Variants in ORC2 observed in about 807,000 individuals in gnomAD.
The protein encoded by ORC2 is origin recognition complex protein 2 homolog.
A neutral mutation model predicts 77.7 loss-of-function variants in ORC2; 37 were observed. The ratio of observed to expected loss-of-function variants is 0.48; its 90% CI spans 0.37 to 0.63. The LOEUF (loss-of-function observed/expected upper bound fraction) is 0.63. Ranked by LOEUF, ORC2 falls within the 20% of genes least tolerant of loss-of-function variation. The pLI, the probability that ORC2 is intolerant of heterozygous loss-of-function variation, is 0.00. For synonymous variants in ORC2, 201 were observed against 229.5 expected, an observed-to-expected ratio of 0.88 and a Z score of 1.12; for missense variants, 557 against 661.9, an observed-to-expected ratio of 0.84 and a Z score of 1.74.
intron 5 of ORC2, among the ~76,000 whole-genome samples, chr2:200,944,688 G>A (rs2041220068): frequency 6.6e-6 from 1 of 152,122 alleles, no homozygotes; most frequent in African/African-American, 2.4e-5. Context: ...CCACAGGCGT[G>A]CGCCACTATG....
At chr2:200,925,273 G>A (rs1458344548) in intron 13 of ORC2, among the ~76,000 whole-genome samples, 1 of 152,040 alleles carries the variant, frequency 6.6e-6, no homozygotes, top group Non-Finnish European at 1.5e-5. Flanking sequence ...GTTGCAGTGA[G>A]CCAAAATCGT....
chr2:200,920,895 G>T, intron 14 of ORC2, 98 bp downstream of exon 14: 2 of 754,188 alleles, frequency 2.7e-6, no homozygotes, highest in Non-Finnish European at 3.8e-6. Flanking sequence ...AGGGGAAAAA[G>T]CGTACTAAAA....
intron 10 of ORC2, among the ~76,000 whole-genome samples, chr2:200,931,994 C>T (rs1461347581): frequency 6.6e-6 from 1 of 152,280 alleles, no homozygotes; most frequent in Non-Finnish European, 1.5e-5. Flanking sequence ...ACACATGGGT[C>T]TTCACTTTGG....
chr2:200,947,275 C>T (rs1340501159), intron 5 of ORC2, among the ~76,000 whole-genome samples: 2 of 152,136 alleles, frequency 1.3e-5, no homozygotes, highest in Admixed American at 1.3e-4. Context: ...ATTGTATGTA[C>T]CATGTTATGT....
chr2:200,920,165 T>C (rs1212547511), intron 15 of ORC2, 57 bp downstream of exon 15: 1 of 1,336,438 alleles, frequency 7.5e-7, no homozygotes, highest in Non-Finnish European at 1.0e-6. Context: ...TAAAACCTAG[T>C]AGTACATATC....
At chr2:200,913,652 A>T (rs2040589417) in intron 16 of ORC2, 1 of 1,321,216 alleles carries the variant, frequency 7.6e-7, no homozygotes, top group Non-Finnish European at 9.6e-7. Context: ...GATGCCTAGA[A>T]TATGAAAAAT....
At chr2:200,946,749 T>C (rs1379364560) in intron 5 of ORC2, among the ~76,000 whole-genome samples, 3 of 152,206 alleles carry the variant, frequency 2.0e-5, no homozygotes, top group Non-Finnish European at 4.4e-5. Context: ...ATTCTCCTCT[T>C]TCTCCAGTGG....
chr2:200,934,465 C>A (rs1345738499), intron 9 of ORC2, among the ~76,000 whole-genome samples: 1 of 151,736 alleles, frequency 6.6e-6, no homozygotes, highest in Admixed American at 6.6e-5. Context: ...CAGGCATGCA[C>A]CACTACACCT....
In ORC2 at chr2:200,909,590, G is replaced by C. The variant is rs2040517053; in HGVS notation, c.*1711C>G. On this transcript the variant is annotated 3_prime_UTR_variant, in exon 18 of 18. Coordinates refer to ENST00000234296, the MANE Select transcript of ORC2 (RefSeq NM_006190.5). ...GTGGTGGCGTGTGCCTGTAGTCCCA[G>C]CTCAGGAGGCTGAGGCACAAGAATC... 1 of 151,162 alleles carries C rather than the reference G, an allele frequency of 6.6e-6. No individual in the cohort carries two copies. The highest frequency in any genetic ancestry group is 1.5e-5 in the Non-Finnish European group (1 of 67,930). 9.4% of individuals were successfully genotyped at this position (151,162 alleles called of 1,614,324 possible).
chr2:200,957,326 G>T, intron 4 of ORC2, 75 bp downstream of exon 4: 1 of 1,079,554 alleles, frequency 9.3e-7, no homozygotes, highest in Non-Finnish European at 1.3e-6. Flanking sequence ...TAACCTACCA[G>T]ACTACTTTTG....
At chr2:200,940,397 T>C (rs1438496416) in intron 7 of ORC2, among the ~76,000 whole-genome samples, 1 of 152,200 alleles carries the variant, frequency 6.6e-6, no homozygotes, top group African/African-American at 2.4e-5. Flanking sequence ...CTTGTCTGCC[T>C]TGTCCTTTGG....
chr2:200,936,002 T>C, intron 8 of ORC2, 110 bp from the exon 9 acceptor site: 1 of 757,356 alleles, frequency 1.3e-6, no homozygotes, highest in Non-Finnish European at 2.1e-6. Flanking sequence ...ATTCTGGTTT[T>C]GTCATTACCT....
chr2:200,936,771 C>T lies in ORC2; in HGVS notation c.515-879G>A, dbSNP rs575841498. 2.0e-5 allele frequency among the ~76,000 whole-genome samples: 3 copies of T among 152,302 alleles called. No homozygotes were observed. In the South Asian group the frequency reaches 6.2e-4, roughly 32 times the overall value. On this transcript the variant is annotated intron_variant, in intron 8 of 17. Transcript: ENST00000234296. Reference sequence around the variant, plus strand: ...AAGAATTGTCTTTTTAAACAAACCACAACCTCATCCCTACAACTCCCCAGA... The same window carrying T: ...AAGAATTGTCTTTTTAAACAAACCATAACCTCATCCCTACAACTCCCCAGA...
Position 200,910,980 on chromosome 2 carries a change from A to G in ORC2, c.*321T>C, listed in dbSNP as rs1273308274. 1 of 193,010 alleles carries G rather than the reference A, an allele frequency of 5.2e-6. No individual in the cohort carries two copies. Among genetic ancestry groups the G allele is most frequent in the African/African-American group, 2.3e-5 (1 of 43,012 alleles). 12.0% of individuals were successfully genotyped at this position (193,010 alleles called of 1,614,324 possible). A position where few individuals can be genotyped will look rare whatever the true frequency, so the allele number is the denominator to read the frequency against. On this transcript the variant is annotated 3_prime_UTR_variant, in exon 18 of 18. Transcript: ENST00000234296. ...TTAAAAGGCCCTCAAAAAATTCAGAATATCTCTAAGTATAAAATAATTCAA... is the reference window on the plus strand; with the variant it reads ...TTAAAAGGCCCTCAAAAAATTCAGAGTATCTCTAAGTATAAAATAATTCAA...
chr2:200,913,802 C>T (rs2040591727), intron 16 of ORC2, 129 bp downstream of exon 16: 2 of 1,424,590 alleles, frequency 1.4e-6, no homozygotes, highest in Non-Finnish European at 1.8e-6. Context: ...ATGTGGCAGA[C>T]ATACCCATCA....
intron 10 of ORC2, among the ~76,000 whole-genome samples, chr2:200,933,527 A>G (rs561883352): frequency 2.6e-5 from 4 of 152,288 alleles, no homozygotes; most frequent in Non-Finnish European, 4.4e-5. Flanking sequence ...GTAAGAGGGG[A>G]AAAATGCATA....
intron 4 of ORC2, among the ~76,000 whole-genome samples, chr2:200,952,110 C>T (rs947622431): frequency 1.3e-5 from 2 of 151,846 alleles, no homozygotes; most frequent in Non-Finnish European, 2.9e-5. Flanking sequence ...CATCACTAGC[C>T]CAGTGATCTG....
At chr2:200,927,566 T>C (rs1575160472) in intron 11 of ORC2, among the ~76,000 whole-genome samples, 2 of 148,130 alleles carry the variant, frequency 1.4e-5, no homozygotes, top group African/African-American at 5.0e-5. Context: ...GGCGGGTGCC[T>C]GTAGTCCCAG....
chr2:200,911,391 A>C lies in ORC2; in HGVS notation c.1648-4T>G. The C allele has an allele frequency of 6.5e-7, 1 of 1,543,936 alleles. No homozygotes were observed. Among genetic ancestry groups the C allele is most frequent in the South Asian group, 1.1e-5 (1 of 89,592 alleles). On this transcript the variant is annotated splice_polypyrimidine_tract_variant and splice_region_variant and intron_variant, in intron 17 of 17. Transcript: ENST00000234296. ...AATACTCTACTCCATCAGTTCCCTG[A>C]AAGATTTAAGAATACCTGTACGTTA...
Sources: gnomAD v4.1 joint callset for allele counts (sites outside exome capture counted in the v4.1 genomes callset) on GRCh38, gnomAD v4.1.1 for gene constraint, MANE v1.5 for transcripts, NCBI Gene and HGNC (gene_info 2026-07-23, HGNC 2026-07-21) for gene names.